PTGER3: variants seen among roughly 807,000 people sequenced by gnomAD.
PTGER3 encodes prostaglandin E2 receptor EP3 subtype.
In PTGER3, 22 loss-of-function variants were observed where a neutral mutation model predicts 34.7. That is an observed-to-expected ratio of 0.63 (90% CI 0.45 to 0.91). The LOEUF (loss-of-function observed/expected upper bound fraction) is 0.91, where lower values mean the gene tolerates loss of function less well. Among genes scored for constraint, PTGER3 ranks in the 40% least tolerant of loss-of-function variants. The pLI, the probability that PTGER3 is intolerant of heterozygous loss-of-function variation, is 0.00. For missense variants in PTGER3, 468 were observed against 519.4 expected (o/e 0.90, Z 0.96); for synonymous variants, 241 against 230.1 (o/e 1.05, Z -0.43).
chr1:71,017,922 G>C (rs548617964), intron 1 of PTGER3, among the ~76,000 whole-genome samples: 2 of 152,202 alleles, frequency 1.3e-5, no homozygotes, highest in South Asian at 2.1e-4. Context: ...GTGCCACCAG[G>C]CCTGGCTAAT....
intron 4 of PTGER3, among the ~76,000 whole-genome samples, chr1:70,862,854 A>G (rs1645957041): frequency 1.3e-5 from 2 of 152,206 alleles, no homozygotes; most frequent in African/African-American, 4.8e-5. Flanking sequence ...CTAAGGGAAC[A>G]AACAGCGGAT....
intron 1 of PTGER3, among the ~76,000 whole-genome samples, chr1:71,034,369 C>T (rs979249283): frequency 6.6e-6 from 1 of 152,142 alleles, no homozygotes; most frequent in Admixed American, 6.6e-5. Flanking sequence ...ATATATGCTA[C>T]CTTTTGTTCA....
At position 70,987,637 on chromosome 1, in the gene PTGER3, CA is replaced by C. The variant is rs1655047571; in HGVS notation, c.1078-13250del. Reference sequence around the variant, plus strand: ...CTGAAGCTGCAGGTGTGGTCACTGTCAGGGGCAAAACACTTAACACAGCTGA... The same window carrying C: ...CTGAAGCTGCAGGTGTGGTCACTGTCGGGGCAAAACACTTAACACAGCTGA... On this transcript the variant is annotated intron_variant, in intron 2 of 3. Coordinates refer to ENST00000306666, the MANE Select transcript of PTGER3 (RefSeq NM_198719.2). Among the ~76,000 whole-genome samples, 3 of 152,160 alleles carry C rather than the reference CA, an allele frequency of 2.0e-5. No homozygotes were observed. The South Asian group carries it at 6.2e-4, about 31-fold the overall frequency.
chr1:71,008,587 T>A, intron 2 of PTGER3: 1 of 984,416 alleles, frequency 1.0e-6, no homozygotes, highest in Non-Finnish European at 1.2e-6. Context: ...TTTTGTAAAT[T>A]GGCTCGATCA....
At chr1:70,936,813 A>G (rs1441819370) in intron 4 of PTGER3, among the ~76,000 whole-genome samples, 4 of 152,206 alleles carry the variant, frequency 2.6e-5, no homozygotes, top group Non-Finnish European at 4.4e-5. Flanking sequence ...TATCTACTTT[A>G]TCCTTAGCAT....
intron 2 of PTGER3, among the ~76,000 whole-genome samples, chr1:70,957,832 C>T (rs983037567): frequency 1.3e-5 from 2 of 152,152 alleles, no homozygotes; most frequent in East Asian, 1.9e-4. Flanking sequence ...AATTGACCAA[C>T]CTTTTGTTGT....
At chr1:70,927,363 T>C (rs1268686092) in intron 4 of PTGER3, among the ~76,000 whole-genome samples, 1 of 152,176 alleles carries the variant, frequency 6.6e-6, no homozygotes, top group Non-Finnish European at 1.5e-5. Context: ...GTTGATGATA[T>C]GTAAGAGAAG....
At chr1:71,010,643 T>G in intron 2 of PTGER3, 2 of 984,524 alleles carry the variant, frequency 2.0e-6, no homozygotes, top group Non-Finnish European at 2.4e-6. Context: ...TTATACCCAA[T>G]GAGATGACCT....
intron 4 of PTGER3, among the ~76,000 whole-genome samples, chr1:70,918,371 C>T (rs1228241971): frequency 6.6e-5 from 10 of 151,968 alleles, no homozygotes; most frequent in Non-Finnish European, 1.2e-4. Flanking sequence ...TAAAAAAGCA[C>T]AGGCGAGCAA....
intron 4 of PTGER3, among the ~76,000 whole-genome samples, chr1:70,904,813 G>C (rs1035530804): frequency 6.6e-6 from 1 of 152,204 alleles, no homozygotes; most frequent in Admixed American, 6.5e-5. Flanking sequence ...TTTCTGAGGA[G>C]AAATTCAAGT....
chr1:71,044,477 T>A (rs1178173475), intron 1 of PTGER3, among the ~76,000 whole-genome samples: 1 of 150,052 alleles, frequency 6.7e-6, no homozygotes, highest in Non-Finnish European at 1.5e-5. Context: ...TATGATCACA[T>A]GTTTAATTTA....
intron 2 of PTGER3, among the ~76,000 whole-genome samples, chr1:70,965,383 T>C (rs1402059577): frequency 6.6e-6 from 1 of 151,998 alleles, no homozygotes; most frequent in Non-Finnish European, 1.5e-5. Context: ...ACTGAAGCAA[T>C]GCAGATGGGA....
At chr1:70,981,305 TTCC>T (rs1409194663) in intron 2 of PTGER3, among the ~76,000 whole-genome samples, 20 of 147,828 alleles carry the variant, frequency 1.4e-4, no homozygotes, top group Middle Eastern at 3.5e-3. Context: ...CCTTCCTTCC[TTCC>T]TTCCTTCCTT....
chr1:70,972,434 A>T (rs1653188230), intron 3 of PTGER3, among the ~76,000 whole-genome samples: 1 of 152,142 alleles, frequency 6.6e-6, no homozygotes, highest in South Asian at 2.1e-4. Context: ...TGAAATTTTA[A>T]ATCTAATTAT....
At chr1:70,921,069 G>A (rs7413286) in intron 4 of PTGER3, among the ~76,000 whole-genome samples, 55,452 of 151,890 alleles carry the variant, frequency 0.37, 10,330 homozygotes, top group Middle Eastern at 0.51. Flanking sequence ...TTATAAATAA[G>A]CATAATAGGT....
chr1:71,024,853 C>A (rs1406799668), intron 1 of PTGER3, among the ~76,000 whole-genome samples: 1 of 150,252 alleles, frequency 6.7e-6, no homozygotes, highest in Non-Finnish European at 1.5e-5. Context: ...CCGTGCCCGG[C>A]TGAAAAAAAT....
chr1:70,953,798 G>A, intron 2 of PTGER3: 1 of 1,314,404 alleles, frequency 7.6e-7, no homozygotes, highest in Non-Finnish European at 1.0e-6. Flanking sequence ...ATCTGAAAAA[G>A]AGTAATAACA....
At chr1:70,949,610 G>GAA (rs931918016), downstream of PTGER3, among the ~76,000 whole-genome samples, 1 of 152,058 alleles carries the variant, frequency 6.6e-6, no homozygotes, top group South Asian at 2.1e-4. Context: ...TAACTACAAA[G>GAA]AAAAAAACAT....
At chr1:70,967,041 T>C (rs1012176521), downstream of PTGER3, among the ~76,000 whole-genome samples, 26 of 152,110 alleles carry the variant, frequency 1.7e-4, no homozygotes, top group Non-Finnish European at 3.7e-4. Context: ...TCCACAATGA[T>C]TGAACTAATT....
Sources: gnomAD v4.1 joint callset for allele counts (sites outside exome capture counted in the v4.1 genomes callset) on GRCh38, gnomAD v4.1.1 for gene constraint, MANE v1.5 for transcripts, NCBI Gene and HGNC (gene_info 2026-07-23, HGNC 2026-07-21) for gene names.